The following NEMF variants were observed in gnomAD, a reference collection of about 807,000 sequenced individuals.
NEMF encodes the protein nuclear export mediator factor, also known as ribosome quality control complex subunit NEMF.
NEMF carries 89 observed loss-of-function variants against 162.2 expected under a neutral mutation model. That is an observed-to-expected ratio of 0.55 (90% CI 0.46 to 0.65). The LOEUF (loss-of-function observed/expected upper bound fraction) is 0.65, where lower values mean the gene tolerates loss of function less well. Ranked by LOEUF, NEMF falls within the 30% of genes least tolerant of loss-of-function variation. The probability of loss-of-function intolerance (pLI) is 0.00; values close to 1 mark genes in which losing one functional copy is unlikely to be tolerated. For missense variants in NEMF, 1,133 were observed against 1,261.9 expected, an observed-to-expected ratio of 0.90 and a Z score of 1.55; for synonymous variants, 421 against 404.5, an observed-to-expected ratio of 1.04 and a Z score of -0.49.
At chr14:49,825,146 T>C (rs1222682112) in intron 16 of NEMF, among the ~76,000 whole-genome samples, 1 of 152,192 alleles carries the variant, frequency 6.6e-6, no homozygotes, top group Non-Finnish European at 1.5e-5. Flanking sequence ...CAGAATTCTA[T>C]GTGGGTCAGC....
chr14:49,837,632 G>A (rs1320790519), intron 6 of NEMF, among the ~76,000 whole-genome samples: 1 of 152,012 alleles, frequency 6.6e-6, no homozygotes, highest in Non-Finnish European at 1.5e-5. Context: ...AATTTCATAA[G>A]AGAGGAAGAG....
intron 4 of NEMF, 76 bp downstream of exon 4, chr14:49,846,064 A>C: frequency 2.4e-6 from 3 of 1,266,270 alleles, no homozygotes; most frequent in South Asian, 2.8e-5. Context: ...ATGTTCCCCC[A>C]CTCATGTTAT....
In NEMF at chr14:49,789,358, G is replaced by T. The variant is rs1325339560; in HGVS notation, c.2698-15C>A. The T allele has an allele frequency of 1.2e-6, 2 of 1,613,286 alleles. No homozygotes were observed. Among genetic ancestry groups the T allele is most frequent in the African/African-American group, 2.7e-5 (2 of 74,812 alleles). ...GAACCTGCAGACTTTAATTCATAGAGGAAACATCAGTCAGTGTTGTATTTT... is the reference window on the plus strand; with the variant it reads ...GAACCTGCAGACTTTAATTCATAGATGAAACATCAGTCAGTGTTGTATTTT... On this transcript the variant is annotated splice_polypyrimidine_tract_variant and intron_variant, in intron 27 of 32. Transcript: ENST00000298310.
In NEMF at chr14:49,802,543, C is replaced by T. The variant is rs1891004941; in HGVS notation, c.2005G>A (p.Gly669Ser). 3 of 1,613,858 alleles carry T rather than the reference C, an allele frequency of 1.9e-6. No homozygotes were observed. The highest frequency in any genetic ancestry group is 2.5e-6 in the Non-Finnish European group (3 of 1,179,934). Residue 669 changes from glycine (G) to serine (S), a missense_variant, in exon 22 of 33, where the codon GGT becomes AGT. This residue lies in a region of NEMF where 532 missense variants were observed against 578.6 expected (regional missense o/e 0.92). Coordinates refer to ENST00000298310, the MANE Select transcript of NEMF (RefSeq NM_004713.6). ...VDESCVWRHQ[G>S]ERKVRVQDED... ...TCCTGTACTCTGACTTTTCGTTCAC[C>T]CTGATGTCTCCAAACACAAGACTCA...
Position 49,851,586 on chromosome 14 carries a change from T to C in NEMF, c.208A>G (p.Met70Val). The C allele has an allele frequency of 6.2e-7, 1 of 1,613,342 alleles. No individual in the cohort carries two copies. The highest frequency in any genetic ancestry group is 8.5e-7 in the Non-Finnish European group (1 of 1,179,420). ...TTEFEWPKNM[M>V]PSSFAMKCRK... ...ACCTTCATGGCAAAACTAGACGGCA[T>C]CATATTCTTAGGCCACTCAAATTCT... Residue 70 changes from methionine (M) to valine (V), a missense_variant, in exon 3 of 33, where the codon ATG becomes GTG. Around this residue, in one of 3 missense-constraint regions of NEMF, gnomAD observed 582 missense variants for 631.5 expected, o/e 0.92. Transcript: ENST00000298310.
intron 3 of NEMF, among the ~76,000 whole-genome samples, chr14:49,850,222 C>G (rs1343390853): frequency 6.6e-6 from 1 of 152,094 alleles, no homozygotes; most frequent in Admixed American, 6.6e-5. Context: ...CCTGCCCCAT[C>G]CTCCCAAGTA....
intron 19 of NEMF, among the ~76,000 whole-genome samples, chr14:49,805,077 A>G (rs1891125910): frequency 6.6e-6 from 1 of 152,162 alleles, no homozygotes; most frequent in Non-Finnish European, 1.5e-5. Context: ...TAAAAACACT[A>G]AATTTCATTC....
At chr14:49,823,067 G>A (rs1181827807) in intron 16 of NEMF, among the ~76,000 whole-genome samples, 2 of 151,584 alleles carry the variant, frequency 1.3e-5, no homozygotes, top group Admixed American at 1.3e-4. Context: ...CTCCCTAGTA[G>A]CTGGGATTAC....
At chr14:49,845,204 T>C (rs1185471664) in intron 4 of NEMF, among the ~76,000 whole-genome samples, 1 of 152,104 alleles carries the variant, frequency 6.6e-6, no homozygotes, top group East Asian at 1.9e-4. Flanking sequence ...GTGATTCTCC[T>C]GCCTCAGCCT....
chr14:49,846,762 G>C (rs760811930), intron 3 of NEMF, among the ~76,000 whole-genome samples: 1 of 152,160 alleles, frequency 6.6e-6, no homozygotes, highest in Non-Finnish European at 1.5e-5. Context: ...ACTGAGCCAG[G>C]CTTTTATTTT....
intron 19 of NEMF, among the ~76,000 whole-genome samples, chr14:49,804,971 A>G (rs1057068582): frequency 1.3e-5 from 2 of 152,338 alleles, no homozygotes; most frequent in Non-Finnish European, 2.9e-5. Context: ...CGGAGGCTGC[A>G]GTGAGCTAAG....
chr14:49,824,824 C>T (rs367927385), intron 16 of NEMF, among the ~76,000 whole-genome samples: 1 of 152,138 alleles, frequency 6.6e-6, no homozygotes, highest in Non-Finnish European at 1.5e-5. Context: ...GGAACACACA[C>T]TCTTTCAACC....
Position 49,783,121 on chromosome 14 carries a change from TA to T in NEMF, c.*1514del, listed in dbSNP as rs1889990277. The T allele has an allele frequency of 9.5e-6, 5 of 528,150 alleles. No homozygotes were observed. In the South Asian group the frequency reaches 1.8e-4, roughly 19 times the overall value. The allele number at this position is 528,150 out of a possible 1,614,324, so 32.7% of individuals were successfully genotyped here. A position where few individuals can be genotyped will look rare whatever the true frequency, so the allele number is the denominator to read the frequency against. On this transcript the variant is annotated 3_prime_UTR_variant, in exon 33 of 33. Transcript: ENST00000298310. ...CTATTTTTGTGTCTAAAGTTTACAA[TA>T]AATGTATTTAACACCAGTAGCTGTC... is the stretch of plus-strand genomic sequence containing the variant.
intron 25 of NEMF, among the ~76,000 whole-genome samples, chr14:49,796,657 T>C (rs1264177966): frequency 6.6e-6 from 1 of 152,190 alleles, no homozygotes; most frequent in Non-Finnish European, 1.5e-5. Flanking sequence ...GGCCATTAAC[T>C]TCTATATTAA....
At chr14:49,835,547 C>T (rs1892856679) in intron 6 of NEMF, among the ~76,000 whole-genome samples, 1 of 152,154 alleles carries the variant, frequency 6.6e-6, no homozygotes, top group East Asian at 1.9e-4. Flanking sequence ...GAAAAACCTA[C>T]AGCTAACATG....
chr14:49,845,536 A>G lies in NEMF; in HGVS notation c.357+604T>C, dbSNP rs539814952. The stretch of plus-strand genomic sequence containing the variant: ...ACTTTTTAGCTTTTTGACTCTTGTA[A>G]TAACACTTAGCTTAAAACACATATC... On this transcript the variant is annotated intron_variant, in intron 4 of 32. Coordinates refer to ENST00000298310, the MANE Select transcript of NEMF (RefSeq NM_004713.6). 2.6e-5 allele frequency among the ~76,000 whole-genome samples: 4 copies of G among 152,322 alleles called. No homozygotes were observed. The East Asian group carries it at 5.8e-4, about 22-fold the overall frequency.
chr14:49,785,352 A>G (rs1451649395), intron 29 of NEMF, 32 bp from the exon 30 acceptor site: 14 of 1,445,490 alleles, frequency 9.7e-6, no homozygotes, highest in Non-Finnish European at 1.4e-5. Context: ...TACAAAGGCA[A>G]TTTATACCGC....
intron 5 of NEMF, among the ~76,000 whole-genome samples, 156 bp downstream of exon 5, chr14:49,840,562 T>TA (rs1893150882): frequency 6.6e-6 from 1 of 152,208 alleles, no homozygotes; most frequent in Admixed American, 6.5e-5. Context: ...TAAATTGAGT[T>TA]ACGTTATCTA....
At position 49,782,572 on chromosome 14, in the gene NEMF, G is replaced by A; in HGVS notation, c.*2064C>T. On this transcript the variant is annotated 3_prime_UTR_variant, in exon 33 of 33. Transcript: ENST00000298310. ...CAGTAATGAAATACTAATATTTTCAGTTCAACCAAAATCTCTTGTACGGTA... is the reference window on the plus strand; with the variant it reads ...CAGTAATGAAATACTAATATTTTCAATTCAACCAAAATCTCTTGTACGGTA... 6.2e-7 allele frequency: 1 copy of A among 1,606,634 alleles called. No homozygotes were observed. The highest frequency in any genetic ancestry group is 8.5e-7 in the Non-Finnish European group (1 of 1,175,528).
Sources: gnomAD v4.1 joint callset for allele counts (sites outside exome capture counted in the v4.1 genomes callset) on GRCh38, gnomAD v4.1.1 for gene constraint, gnomAD v4.1.1 regional missense constraint, MANE v1.5 for transcripts, NCBI Gene and HGNC (gene_info 2026-07-23, HGNC 2026-07-21) for gene names.